Variants in PPP4R2 observed in about 807,000 individuals in gnomAD.
The protein encoded by PPP4R2 is protein phosphatase 4 regulatory subunit 2.
PPP4R2 carries 13 observed loss-of-function variants against 47.2 expected under a neutral mutation model. The observed-to-expected ratio is 0.28, with a 90% CI of 0.18 to 0.44. PPP4R2 has a LOEUF of 0.44. Ranked by LOEUF, PPP4R2 falls within the 20% of genes least tolerant of loss-of-function variation. The pLI, the probability that PPP4R2 is intolerant of heterozygous loss-of-function variation, is 1.00. For missense variants in PPP4R2, 421 were observed against 491.2 expected (o/e 0.86, Z 1.35); for synonymous variants, 151 against 163.3 (o/e 0.92, Z 0.57).
intron 5 of PPP4R2, chr3:73,062,231 T>G: frequency 6.3e-6 from 10 of 1,597,682 alleles, no homozygotes; most frequent in Non-Finnish European, 8.5e-6. Flanking sequence ...CAATGTCTCA[T>G]CTAAGAAAGG....
chr3:73,032,712 C>T lies in PPP4R2; in HGVS notation c.117-14474C>T, dbSNP rs187047757. 6.0e-4 allele frequency among the ~76,000 whole-genome samples: 92 copies of T among 152,284 alleles called. 1 individual carries two copies. Among genetic ancestry groups the T allele is most frequent in the African/African-American group, 1.8e-3 (76 of 41,536 alleles). ...GAAAGTTAAGATTTAGTTTCTTTTA[C>T]GTACTCCTTCTCCAAGCATGCACAC... On this transcript the variant is annotated intron_variant, in intron 2 of 8. Coordinates refer to ENST00000356692, the MANE Select transcript of PPP4R2 (RefSeq NM_174907.4).
intron 2 of PPP4R2, among the ~76,000 whole-genome samples, chr3:73,032,718 C>G (rs1189675150): frequency 6.6e-6 from 1 of 152,154 alleles, no homozygotes; most frequent in Non-Finnish European, 1.5e-5. Context: ...TTTACGTACT[C>G]CTTCTCCAAG....
At chr3:73,014,870 T>G in intron 2 of PPP4R2, 1 of 503,100 alleles carries the variant, frequency 2.0e-6, no homozygotes, top group Non-Finnish European at 3.6e-6. Flanking sequence ...CCTTGTGTAT[T>G]TATTTATTCA....
chr3:73,026,555 T>C lies in PPP4R2; in HGVS notation c.117-20631T>C, dbSNP rs143047005. Reference sequence around the variant, plus strand: ...TTATATATCTTTTCTTACCACATAATAGCTTAGGGATGCATATTTGCATTA... The same window carrying C: ...TTATATATCTTTTCTTACCACATAACAGCTTAGGGATGCATATTTGCATTA... On this transcript the variant is annotated intron_variant, in intron 2 of 8. Transcript: ENST00000356692. Among the ~76,000 whole-genome samples the C allele has an allele frequency of 6.6e-3, 1,004 of 152,300 alleles. 7 individuals are homozygous for C. Among genetic ancestry groups the C allele is most frequent in the Non-Finnish European group, 0.01 (694 of 68,014 alleles).
At chr3:73,039,984 G>A (rs949552144) in intron 2 of PPP4R2, among the ~76,000 whole-genome samples, 16 of 152,152 alleles carry the variant, frequency 1.1e-4, no homozygotes, top group Admixed American at 9.8e-4. Flanking sequence ...AACCAGGGAG[G>A]CGGAGGTTGT....
At chr3:73,030,808 T>A (rs1213764493) in intron 2 of PPP4R2, among the ~76,000 whole-genome samples, 1 of 151,994 alleles carries the variant, frequency 6.6e-6, no homozygotes, top group Non-Finnish European at 1.5e-5. Context: ...TTCAAGCAAT[T>A]ATCCTGCCTC....
intron 2 of PPP4R2, among the ~76,000 whole-genome samples, chr3:73,006,190 ATTTTTTTTTTT>A (rs71624000): frequency 1.0e-3 from 126 of 124,150 alleles, no homozygotes; most frequent in African/African-American, 1.0e-3. Flanking sequence ...ATATGCCACA[ATTTTTTTTTTT>A]TTTTTTTTTT....
intron 2 of PPP4R2, among the ~76,000 whole-genome samples, chr3:73,020,845 G>C (rs1283416332): frequency 1.3e-5 from 2 of 151,992 alleles, no homozygotes; most frequent in Non-Finnish European, 2.9e-5. Flanking sequence ...CATAATTGGT[G>C]TGTCCTCACA....
chr3:73,060,226 G>A (rs1702824094), intron 4 of PPP4R2, among the ~76,000 whole-genome samples: 1 of 152,132 alleles, frequency 6.6e-6, no homozygotes, highest in Non-Finnish European at 1.5e-5. Flanking sequence ...AATATATTTT[G>A]TTGATCCTCT....
intron 2 of PPP4R2, among the ~76,000 whole-genome samples, chr3:73,000,242 A>G (rs1467039553): frequency 6.6e-6 from 1 of 152,060 alleles, no homozygotes; most frequent in East Asian, 1.9e-4. Flanking sequence ...GCTGAGGCAG[A>G]AGGATTGTTG....
intron 3 of PPP4R2, among the ~76,000 whole-genome samples, chr3:73,047,734 T>G (rs1251835040): frequency 2.6e-5 from 4 of 152,228 alleles, no homozygotes. Flanking sequence ...GAGTTTTTGT[T>G]TAGACTTTTT....
At chr3:73,001,256 ATATACT>A (rs767964121) in intron 2 of PPP4R2, among the ~76,000 whole-genome samples, 5 of 152,102 alleles carry the variant, frequency 3.3e-5, no homozygotes, top group African/African-American at 4.8e-5. Flanking sequence ...TTTAGGTAAA[ATATACT>A]TATATAATTT....
chr3:73,058,820 AAAGG>A (rs1442284277), intron 3 of PPP4R2, among the ~76,000 whole-genome samples: 1,124 of 59,102 alleles, frequency 0.019, 16 homozygotes, highest in African/African-American at 0.07. Context: ...ATTGCTTTTT[AAAGG>A]AAGGGAGAAT....
chr3:73,028,660 G>C (rs1308214053), intron 2 of PPP4R2, among the ~76,000 whole-genome samples: 1 of 151,882 alleles, frequency 6.6e-6, no homozygotes, highest in East Asian at 1.9e-4. Context: ...AGGATGGTTT[G>C]ATCTCCTGAC....
At chr3:73,026,712 A>G (rs923135711) in intron 2 of PPP4R2, among the ~76,000 whole-genome samples, 3 of 152,044 alleles carry the variant, frequency 2.0e-5, no homozygotes, top group Non-Finnish European at 2.9e-5. Context: ...TTTTTTTTTA[A>G]AAAAAGCACA....
chr3:73,060,956 A>C (rs1702845590), intron 4 of PPP4R2, 67 bp from the exon 5 acceptor site: 1 of 1,144,658 alleles, frequency 8.7e-7, no homozygotes, highest in African/African-American at 1.6e-5. Flanking sequence ...TTTTAGAAAC[A>C]AAAATGATGA....
At chr3:73,038,410 CTGTCACCCAGTGGAGTGCAG>C (rs1249547037) in intron 2 of PPP4R2, among the ~76,000 whole-genome samples, 1 of 151,494 alleles carries the variant, frequency 6.6e-6, no homozygotes, top group African/African-American at 2.4e-5. Flanking sequence ...GAGTCTCACT[CTGTCACCCAGTGGAGTGCAG>C]TGTCACCCAG....
At chr3:73,035,659 C>T (rs893877392) in intron 2 of PPP4R2, among the ~76,000 whole-genome samples, 1 of 151,984 alleles carries the variant, frequency 6.6e-6, no homozygotes, top group Non-Finnish European at 1.5e-5. Flanking sequence ...GAGTTTCGCT[C>T]TGTTGCCCAG....
At chr3:73,034,407 T>G (rs1702225548) in intron 2 of PPP4R2, among the ~76,000 whole-genome samples, 2 of 152,226 alleles carry the variant, frequency 1.3e-5, no homozygotes, top group African/African-American at 2.4e-5. Context: ...CTATGGAGAT[T>G]CCTACCAGTT....
Sources: gnomAD v4.1 joint callset for allele counts (sites outside exome capture counted in the v4.1 genomes callset) on GRCh38, gnomAD v4.1.1 for gene constraint, MANE v1.5 for transcripts, NCBI Gene and HGNC (gene_info 2026-07-23, HGNC 2026-07-21) for gene names.